The following LAMC2 variants were observed in gnomAD, a reference collection of about 807,000 sequenced individuals.
LAMC2 encodes laminin subunit gamma 2, also known as laminin subunit gamma-2.
A neutral mutation model predicts 140.2 loss-of-function variants in LAMC2; 97 were observed. The observed-to-expected ratio is 0.69, with a 90% CI of 0.59 to 0.82. The LOEUF is 0.82. Ranked by LOEUF, LAMC2 falls within the 40% of genes least tolerant of loss-of-function variation. LAMC2 has a pLI of 0.00. For missense variants in LAMC2, 1,402 were observed against 1,476.1 expected (o/e 0.95, Z 0.82); for synonymous variants, 513 against 540.2 (o/e 0.95, Z 0.70).
rs1659604686 is a variant in LAMC2 at position 183,225,677 on chromosome 1, G to T, written c.1023G>T (p.Arg341=). ...ACTTTGAGTATCGAAGGTTACTGCG[G>T]AATCTCACAGCCCTCCGCATCCGAG... is the stretch of plus-strand genomic sequence containing the variant. ...LSYFEYRRLL[R]NLTALRIRAT... Residue 341 remains arginine (R), a synonymous_variant, in exon 8 of 23, where the codon CGG becomes CGT. Coordinates refer to ENST00000264144, the MANE Select transcript of LAMC2 (RefSeq NM_005562.3). 6.2e-7 allele frequency: 1 copy of T among 1,613,896 alleles called. No individual in the cohort carries two copies. Among genetic ancestry groups the T allele is most frequent in the Non-Finnish European group, 8.5e-7 (1 of 1,179,886 alleles).
chr1:183,216,942 T>G (rs1382937507), intron 3 of LAMC2, among the ~76,000 whole-genome samples: 1 of 152,122 alleles, frequency 6.6e-6, no homozygotes, highest in Non-Finnish European at 1.5e-5. Context: ...TCTCTTAGCA[T>G]CCCCGGTTCT....
intron 2 of LAMC2, among the ~76,000 whole-genome samples, chr1:183,208,985 T>TG (rs543770931): frequency 2.1e-4 from 28 of 134,600 alleles, no homozygotes; most frequent in Admixed American, 4.1e-4. Context: ...GGCTAGTTGT[T>TG]TTTTTTTTTT....
chr1:183,239,720 G>T, intron 20 of LAMC2, 157 bp downstream of exon 20: 2 of 676,714 alleles, frequency 3.0e-6, no homozygotes, highest in Non-Finnish European at 5.1e-6. Flanking sequence ...TAGCAAAGAC[G>T]CATGACAGAG....
Position 183,225,651 on chromosome 1 carries a change from T to C in LAMC2, c.997T>C (p.Tyr333His), listed in dbSNP as rs909161764. The C allele has an allele frequency of 3.7e-6, 6 of 1,614,136 alleles. No homozygotes were observed. Among genetic ancestry groups the C allele is most frequent in the South Asian group, 1.1e-5 (1 of 91,086 alleles). ...PSNNWSPQLS[Y>H]FEYRRLLRNL... ...CAATAATTGGAGCCCCCAGCTGAGT[T>C]ACTTTGAGTATCGAAGGTTACTGCG... Residue 333 changes from tyrosine (Y) to histidine (H), a missense_variant, in exon 8 of 23, where the codon TAC becomes CAC. Around this residue, in one of 3 missense-constraint regions of LAMC2, gnomAD observed 723 missense variants for 783.3 expected, o/e 0.92. Coordinates refer to ENST00000264144, the MANE Select transcript of LAMC2 (RefSeq NM_005562.3).
the LAMC2 span, among the ~76,000 whole-genome samples, chr1:183,254,461 C>A: frequency 1.3e-5 from 2 of 152,196 alleles, no homozygotes; most frequent in Admixed American, 6.5e-5. Context: ...TTGAGAGAGA[C>A]AGGGTCTCAC....
At chr1:183,203,373 T>G (rs1658781507) in intron 1 of LAMC2, among the ~76,000 whole-genome samples, 1 of 152,194 alleles carries the variant, frequency 6.6e-6, no homozygotes, top group Admixed American at 6.5e-5. Flanking sequence ...TGGGCAGGTA[T>G]TGGTCACAGA....
chr1:183,210,977 C>T (rs1384430018), intron 2 of LAMC2, among the ~76,000 whole-genome samples: 2 of 152,210 alleles, frequency 1.3e-5, no homozygotes, highest in Admixed American at 6.5e-5. Context: ...TTTTCACTTT[C>T]AGATAATAAC....
At chr1:183,195,793 G>GTTTAATGTGATGAAGGA (rs879285615) in intron 1 of LAMC2, among the ~76,000 whole-genome samples, 44,120 of 151,916 alleles carry the variant, frequency 0.29, 6,799 homozygotes, top group East Asian at 0.43. Flanking sequence ...AAACAATGAA[G>GTTTAATGTGATGAAGGA]TTCAAGGCCA....
At chr1:183,256,213 C>T in the LAMC2 span, among the ~76,000 whole-genome samples, 2 of 152,120 alleles carry the variant, frequency 1.3e-5, no homozygotes, top group East Asian at 3.9e-4. Flanking sequence ...CGAGCCCAGT[C>T]TGGCCAACAT....
chr1:183,252,325 G>A, the LAMC2 span: 1 of 331,070 alleles, frequency 3.0e-6, no homozygotes, highest in Non-Finnish European at 5.7e-6. Flanking sequence ...GTGCTGGGAG[G>A]ATGGGCACCA....
At chr1:183,252,879 G>T in the LAMC2 span, 1 of 623,030 alleles carries the variant, frequency 1.6e-6, no homozygotes, top group Non-Finnish European at 2.9e-6. Flanking sequence ...ATTAGGAAAG[G>T]CCCTCTTGCC....
chr1:183,188,767 G>C (rs1658232681), intron 1 of LAMC2, among the ~76,000 whole-genome samples: 1 of 152,220 alleles, frequency 6.6e-6, no homozygotes, highest in African/African-American at 2.4e-5. Context: ...CCTGGTGTGA[G>C]ATAAAGTGGC....
chr1:183,192,260 A>T lies in LAMC2; in HGVS notation c.79+5829A>T, dbSNP rs533308234. On this transcript the variant is annotated intron_variant, in intron 1 of 22. Transcript: ENST00000264144. ...CAGGGCTTATATTTACAGAATTCTA[A>T]CCGCGTCTTTTTATTTATTGTGGGG... Among the ~76,000 whole-genome samples, 7 of 152,276 alleles carry T rather than the reference A, an allele frequency of 4.6e-5. No homozygotes were observed. The South Asian group carries it at 1.4e-3, about 32-fold the overall frequency.
intron 6 of LAMC2, among the ~76,000 whole-genome samples, chr1:183,222,550 A>G (rs555102367): frequency 6.6e-6 from 1 of 152,142 alleles, no homozygotes; most frequent in Non-Finnish European, 1.5e-5. Flanking sequence ...GAAAGCAAAA[A>G]CAAAGCATTT....
chr1:183,231,125 A>G (rs1049706619), intron 12 of LAMC2, 22 bp downstream of exon 12: 2 of 1,613,210 alleles, frequency 1.2e-6, no homozygotes, highest in African/African-American at 2.7e-5. Context: ...TCCCCTTACC[A>G]CCCCCAACCC....
intron 1 of LAMC2, among the ~76,000 whole-genome samples, chr1:183,188,952 A>G (rs1658240118): frequency 1.3e-5 from 2 of 152,222 alleles, no homozygotes. Context: ...GCTGTGAATG[A>G]TTTGTAAGCA....
intron 15 of LAMC2, 39 bp downstream of exon 15, chr1:183,234,485 T>C (rs1167499707): frequency 6.7e-7 from 1 of 1,484,178 alleles, no homozygotes; most frequent in Non-Finnish European, 9.4e-7. Flanking sequence ...TCAAGCCGTC[T>C]CTGCAAGGCC....
intron 1 of LAMC2, among the ~76,000 whole-genome samples, chr1:183,200,936 G>A (rs573825680): frequency 9.2e-5 from 14 of 152,250 alleles, no homozygotes; most frequent in East Asian, 1.9e-4. Context: ...GCAGTCAGAC[G>A]CAATTACCAT....
At chr1:183,240,505 C>A in intron 22 of LAMC2, 114 bp downstream of exon 22, 1 of 1,499,600 alleles carries the variant, frequency 6.7e-7, no homozygotes. Flanking sequence ...TTAAGGATAT[C>A]AGTAAATGTG....
Sources: gnomAD v4.1 joint callset for allele counts (sites outside exome capture counted in the v4.1 genomes callset) on GRCh38, gnomAD v4.1.1 for gene constraint, gnomAD v4.1.1 regional missense constraint, MANE v1.5 for transcripts, NCBI Gene and HGNC (gene_info 2026-07-23, HGNC 2026-07-21) for gene names.